Variants in PLXNA2 observed in about 807,000 individuals in gnomAD.
PLXNA2 encodes plexin A2.
Under a neutral mutation model 193.5 loss-of-function variants are expected in PLXNA2, and 91 were observed. The ratio of observed to expected loss-of-function variants is 0.47; its 90% CI spans 0.40 to 0.56. The LOEUF (loss-of-function observed/expected upper bound fraction) is 0.56, where lower values mean the gene tolerates loss of function less well. PLXNA2 is among the 20% of genes least tolerant of loss of function. The pLI is 0.00. For synonymous variants in PLXNA2, 997 were observed against 1,027.3 expected (o/e 0.97, Z 0.56); for missense variants, 1,995 against 2,503.2 (o/e 0.80, Z 4.33).
At chr1:208,221,764 G>T (rs1041647872) in intron 1 of PLXNA2, among the ~76,000 whole-genome samples, 1 of 152,212 alleles carries the variant, frequency 6.6e-6, no homozygotes, top group African/African-American at 2.4e-5. Context: ...CACATTCTGA[G>T]TAAGGGAGGA....
At chr1:208,067,261 T>G (rs983635025) in intron 12 of PLXNA2, among the ~76,000 whole-genome samples, 2 of 151,782 alleles carry the variant, frequency 1.3e-5, no homozygotes, top group South Asian at 4.2e-4. Flanking sequence ...GGAGAATCAC[T>G]TGAAGCCGGG....
intron 3 of PLXNA2, chr1:208,210,001 TTTTGC>T: frequency 5.5e-6 from 1 of 181,038 alleles, no homozygotes; most frequent in South Asian, 1.4e-4. Flanking sequence ...TTTTTTTTTT[TTTTGC>T]TTTTGCAGAT....
Position 208,084,647 on chromosome 1 carries a change from C to T in PLXNA2, c.2098-67G>A. On this transcript the variant is annotated intron_variant, in intron 9 of 31. Coordinates refer to ENST00000367033, the MANE Select transcript of PLXNA2 (RefSeq NM_025179.4). ...TGCTGTCCTATGTGCCTGGGACAGG[C>T]AGGCCCCTCTTGTATCAGGTGAGCT... 2.0e-6 allele frequency: 3 copies of T among 1,482,528 alleles called. No homozygotes were observed. The African/African-American group carries it at 4.2e-5, about 21-fold the overall frequency. 91.8% of individuals were successfully genotyped at this position (1,482,528 alleles called of 1,614,324 possible).
chr1:208,165,229 C>T (rs1669262687), intron 3 of PLXNA2, among the ~76,000 whole-genome samples: 1 of 152,188 alleles, frequency 6.6e-6, no homozygotes, highest in African/African-American at 2.4e-5. Flanking sequence ...AGCCCTCATT[C>T]ATCTTATAGC....
At chr1:208,205,028 G>C (rs1204462134) in intron 3 of PLXNA2, among the ~76,000 whole-genome samples, 1 of 152,144 alleles carries the variant, frequency 6.6e-6, no homozygotes, top group East Asian at 1.9e-4. Flanking sequence ...TGTGAAACCT[G>C]GGTTGAGGCG....
chr1:208,031,422 G>C, intron 29 of PLXNA2, 168 bp downstream of exon 29: 2 of 1,315,212 alleles, frequency 1.5e-6, no homozygotes, highest in Non-Finnish European at 2.0e-6. Flanking sequence ...GCTGGGGACC[G>C]TGTGGGCTCT....
rs1664571350 is a variant in PLXNA2, at chr1:208,033,483, G to A, written c.4891C>T (p.Pro1631Ser). ...GGGGCCCGGGACCGCAGGCTGTCGG[G>A]GCTGCCCGTATACCTGAAGGAGGAG... is the stretch of plus-strand genomic sequence containing the variant. ...YDSSFRYTGSPDSLRSRAPMI... is the reference protein window; with the variant it reads ...YDSSFRYTGSSDSLRSRAPMI... Residue 1631 changes from proline (P) to serine (S), a missense_variant, in exon 28 of 32, where the codon CCC (proline) becomes TCC (serine). Around this residue, in one of 3 missense-constraint regions of PLXNA2, gnomAD observed 1,291 missense variants for 1,673.6 expected, o/e 0.77. Transcript: ENST00000367033. 6.2e-7 allele frequency: 1 copy of A among 1,612,500 alleles called. No homozygotes were observed. Among genetic ancestry groups the A allele is most frequent in the Non-Finnish European group, 8.5e-7 (1 of 1,179,080 alleles).
At chr1:208,067,491 C>T (rs950530214) in intron 12 of PLXNA2, among the ~76,000 whole-genome samples, 2 of 152,190 alleles carry the variant, frequency 1.3e-5, no homozygotes, top group African/African-American at 2.4e-5. Context: ...TTCACATTCA[C>T]TCACCACTCA....
intron 1 of PLXNA2, among the ~76,000 whole-genome samples, chr1:208,233,750 G>A (rs752847791): frequency 2.0e-5 from 3 of 152,248 alleles, no homozygotes; most frequent in Non-Finnish European, 2.9e-5. Flanking sequence ...AGCTGTGAAT[G>A]CTGAGTCTAT....
intron 3 of PLXNA2, among the ~76,000 whole-genome samples, chr1:208,181,869 C>G (rs1669852717): frequency 6.6e-6 from 1 of 152,186 alleles, no homozygotes; most frequent in Admixed American, 6.5e-5. Flanking sequence ...TCTCCTCCAA[C>G]TTTCTTATTT....
At chr1:208,042,030 C>G (rs1664886291) in intron 22 of PLXNA2, 68 bp downstream of exon 22, 5 of 1,525,002 alleles carry the variant, frequency 3.3e-6, no homozygotes, top group Non-Finnish European at 3.6e-6. Context: ...GTGGGGCCTG[C>G]TATAATGAGG....
intron 12 of PLXNA2, among the ~76,000 whole-genome samples, chr1:208,061,474 A>C (rs1450439182): frequency 6.6e-6 from 1 of 152,202 alleles, no homozygotes; most frequent in African/African-American, 2.4e-5. Flanking sequence ...ACAGAGGGAA[A>C]GCAGTGGGAG....
At chr1:208,059,519 A>T (rs1402368332) in intron 13 of PLXNA2, among the ~76,000 whole-genome samples, 2 of 152,172 alleles carry the variant, frequency 1.3e-5, no homozygotes, top group African/African-American at 4.8e-5. Flanking sequence ...TAAGCCTCAG[A>T]GCTACACACT....
chr1:208,223,010 C>T (rs1290342024), intron 1 of PLXNA2, among the ~76,000 whole-genome samples: 1 of 152,124 alleles, frequency 6.6e-6, no homozygotes, highest in Non-Finnish European at 1.5e-5. Flanking sequence ...CTAGGGAGCT[C>T]ACACACTCTG....
chr1:208,188,421 G>T (rs1670073108), intron 3 of PLXNA2, among the ~76,000 whole-genome samples: 1 of 152,126 alleles, frequency 6.6e-6, no homozygotes, highest in African/African-American at 2.4e-5. Context: ...GCAAAATGGA[G>T]ATATAGGCTG....
chr1:208,191,218 G>C (rs551124900), intron 3 of PLXNA2, among the ~76,000 whole-genome samples: 1 of 152,140 alleles, frequency 6.6e-6, no homozygotes, highest in Non-Finnish European at 1.5e-5. Flanking sequence ...CCTGCCTCAC[G>C]CGGAAACACA....
chr1:208,039,981 C>G lies in PLXNA2; in HGVS notation c.4353+11G>C. On this transcript the variant is annotated intron_variant, in intron 23 of 31. Transcript: ENST00000367033. ...CCTGGACGCTAGGCCCCGTCTCACTCCCTTTCTCACCTTTAGGAACTTGTG... is the reference window on the plus strand; with the variant it reads ...CCTGGACGCTAGGCCCCGTCTCACTGCCTTTCTCACCTTTAGGAACTTGTG... 6.2e-7 allele frequency: 1 copy of G among 1,613,640 alleles called. No homozygotes were observed. Among genetic ancestry groups the G allele is most frequent in the Non-Finnish European group, 8.5e-7 (1 of 1,179,538 alleles).
At chr1:208,125,356 T>C (rs957489433) in intron 4 of PLXNA2, among the ~76,000 whole-genome samples, 1 of 152,240 alleles carries the variant, frequency 6.6e-6, no homozygotes, top group Non-Finnish European at 1.5e-5. Flanking sequence ...TGTCATCCAC[T>C]GCTCAGCATC....
At chr1:208,076,714 C>T (rs1380545381) in intron 12 of PLXNA2, among the ~76,000 whole-genome samples, 2 of 152,162 alleles carry the variant, frequency 1.3e-5, no homozygotes, top group African/African-American at 4.8e-5. Flanking sequence ...GATTAAAAGA[C>T]TAAGGAGACA....
Sources: allele counts gnomAD v4.1 joint callset (sites outside exome capture counted in the v4.1 genomes callset), GRCh38; gene constraint gnomAD v4.1.1; regional missense constraint gnomAD v4.1.1; transcripts MANE v1.5; gene names NCBI Gene and HGNC (gene_info 2026-07-23, HGNC 2026-07-21).